Variants in ZNF804A observed in about 807,000 individuals in gnomAD.
ZNF804A encodes zinc finger protein 804A.
ZNF804A carries 2 observed loss-of-function variants against 16.5 expected under a neutral mutation model. The ratio of observed to expected loss-of-function variants is 0.12; its 90% confidence interval spans 0.05 to 0.38. ZNF804A has a LOEUF of 0.38. Ranked by LOEUF, ZNF804A falls within the 10% of genes least tolerant of loss-of-function variation. The pLI is 0.99. For synonymous variants in ZNF804A, 534 were observed against 489.6 expected (o/e 1.09, Z -1.20); for missense variants, 1,473 against 1,390.7 (o/e 1.06, Z -0.94).
At chr2:184,886,846 C>G (rs745739636) in intron 2 of ZNF804A, among the ~76,000 whole-genome samples, 65 of 152,352 alleles carry the variant, frequency 4.3e-4, no homozygotes, top group Non-Finnish European at 7.8e-4. Context: ...CTTTTTCCTC[C>G]TAGGCCTCCA....
chr2:184,871,168 T>C (rs1695967578), intron 2 of ZNF804A, among the ~76,000 whole-genome samples: 1 of 151,408 alleles, frequency 6.6e-6, no homozygotes, highest in Non-Finnish European at 1.5e-5. Context: ...AAGGATGATA[T>C]CTCCAAAGAG....
At chr2:184,817,036 A>G (rs1694993867) in intron 1 of ZNF804A, among the ~76,000 whole-genome samples, 2 of 152,046 alleles carry the variant, frequency 1.3e-5, no homozygotes, top group Non-Finnish European at 2.9e-5. Flanking sequence ...AGAGGGCAGT[A>G]TTAACACTGT....
chr2:184,913,366 T>C (rs1213330981), intron 2 of ZNF804A, among the ~76,000 whole-genome samples: 1 of 152,194 alleles, frequency 6.6e-6, no homozygotes, highest in African/African-American at 2.4e-5. Context: ...GTGTACTTTA[T>C]TTCTTTGTAT....
At chr2:184,677,960 T>G (rs1692467492) in intron 1 of ZNF804A, among the ~76,000 whole-genome samples, 1 of 152,058 alleles carries the variant, frequency 6.6e-6, no homozygotes, top group Admixed American at 6.5e-5. Context: ...CTGACTATCA[T>G]ATCCACTGGT....
intron 1 of ZNF804A, among the ~76,000 whole-genome samples, chr2:184,812,589 A>G (rs1450727029): frequency 1.3e-5 from 2 of 152,152 alleles, no homozygotes; most frequent in Non-Finnish European, 2.9e-5. Flanking sequence ...TGAAGTCCTC[A>G]AATGAAAGGA....
At chr2:184,914,786 CACT>C (rs1685419561) in intron 2 of ZNF804A, among the ~76,000 whole-genome samples, 2 of 151,588 alleles carry the variant, frequency 1.3e-5, no homozygotes, top group South Asian at 2.1e-4. Context: ...TCTCACAGAC[CACT>C]ACAACTGTGT....
At position 184,598,931 on chromosome 2, in the gene ZNF804A, G is replaced by A. The variant is rs765663634; in HGVS notation, c.-29G>A. The A allele has an allele frequency of 6.8e-7, 1 of 1,470,518 alleles. No individual in the cohort carries two copies. Among genetic ancestry groups the A allele is most frequent in the Non-Finnish European group, 9.2e-7 (1 of 1,082,366 alleles). The allele number at this position is 1,470,518 out of a possible 1,614,324, so 91.1% of individuals were successfully genotyped here. On this transcript the variant is annotated 5_prime_UTR_variant, in exon 1 of 4. Transcript: ENST00000302277. The stretch of plus-strand genomic sequence containing the variant: ...GGGCGCGGGGTGCGTGGAAGCGGCG[G>A]CTGCGGCGGAGGAGGCGGCGGCTGC...
intron 1 of ZNF804A, among the ~76,000 whole-genome samples, chr2:184,831,237 A>T (rs1248089327): frequency 6.6e-6 from 1 of 152,060 alleles, no homozygotes; most frequent in Non-Finnish European, 1.5e-5. Context: ...GTTAGTGTTA[A>T]TGATGCCTCA....
intron 2 of ZNF804A, among the ~76,000 whole-genome samples, chr2:184,869,335 G>T (rs2105812636): frequency 6.6e-6 from 1 of 152,048 alleles, no homozygotes; most frequent in East Asian, 1.9e-4. Flanking sequence ...AATGGAATTA[G>T]AAAAAGGCAA....
At chr2:184,723,092 T>A (rs1031927191) in intron 1 of ZNF804A, among the ~76,000 whole-genome samples, 2 of 151,920 alleles carry the variant, frequency 1.3e-5, no homozygotes, top group Non-Finnish European at 2.9e-5. Flanking sequence ...ATGGATAATC[T>A]GTTAAATAAC....
chr2:184,612,116 T>A (rs1691247795), intron 1 of ZNF804A, among the ~76,000 whole-genome samples: 1 of 152,170 alleles, frequency 6.6e-6, no homozygotes, highest in Non-Finnish European at 1.5e-5. Flanking sequence ...ATGGAGTACA[T>A]TATTAACCAA....
chr2:184,754,549 T>C (rs1002368144), intron 1 of ZNF804A, among the ~76,000 whole-genome samples: 1 of 151,922 alleles, frequency 6.6e-6, no homozygotes, highest in Non-Finnish European at 1.5e-5. Context: ...TAAATGTTTT[T>C]TAAATTAATG....
At chr2:184,701,096 CAACTT>C (rs1692911818) in intron 1 of ZNF804A, among the ~76,000 whole-genome samples, 2 of 151,822 alleles carry the variant, frequency 1.3e-5, no homozygotes, top group Non-Finnish European at 3.0e-5. Flanking sequence ...TATTATATAT[CAACTT>C]AAGTTAAATA....
intron 1 of ZNF804A, among the ~76,000 whole-genome samples, chr2:184,851,532 G>A (rs2105804272): frequency 6.6e-6 from 1 of 151,946 alleles, no homozygotes; most frequent in Non-Finnish European, 1.5e-5. Flanking sequence ...TTTAAAGAGT[G>A]ATAGCATTCC....
At chr2:184,616,868 G>A (rs764768440) in intron 1 of ZNF804A, among the ~76,000 whole-genome samples, 28 of 152,178 alleles carry the variant, frequency 1.8e-4, no homozygotes, top group Middle Eastern at 3.4e-3. Flanking sequence ...TTTGCTAAGT[G>A]CCCTCAGATG....
At chr2:184,743,835 G>C (rs1261595675) in intron 1 of ZNF804A, among the ~76,000 whole-genome samples, 1 of 151,884 alleles carries the variant, frequency 6.6e-6, no homozygotes, top group East Asian at 1.9e-4. Context: ...AATTTGATGA[G>C]TGTTTTTAGA....
At chr2:184,689,362 T>A (rs1468882948) in intron 1 of ZNF804A, among the ~76,000 whole-genome samples, 1 of 152,066 alleles carries the variant, frequency 6.6e-6, no homozygotes, top group Non-Finnish European at 1.5e-5. Flanking sequence ...ACATTAGCAG[T>A]CTAGTGTTCA....
chr2:184,769,111 A>C (rs1203801627), intron 1 of ZNF804A, among the ~76,000 whole-genome samples: 4 of 152,070 alleles, frequency 2.6e-5, no homozygotes, highest in African/African-American at 7.2e-5. Flanking sequence ...GTCTTCGATC[A>C]CATTGCCTCT....
At chr2:184,739,625 G>A (rs1406216916) in intron 1 of ZNF804A, among the ~76,000 whole-genome samples, 2 of 152,248 alleles carry the variant, frequency 1.3e-5, no homozygotes, top group Non-Finnish European at 2.9e-5. Flanking sequence ...CTCCTGACAA[G>A]AAGTGATCCT....
Sources: gnomAD v4.1 joint callset for allele counts (sites outside exome capture counted in the v4.1 genomes callset) on GRCh38, gnomAD v4.1.1 for gene constraint, MANE v1.5 for transcripts, NCBI Gene and HGNC (gene_info 2026-07-23, HGNC 2026-07-21) for gene names.